SMIM36: variants seen among roughly 807,000 people sequenced by gnomAD.
The protein encoded by SMIM36 is small integral membrane protein 36.
At chr17:55,501,395 T>TATATATTATTATATAATAAAATATA (rs1909967166) in intron 1 of SMIM36, among the ~76,000 whole-genome samples, 1 of 21,794 alleles carries the variant, frequency 4.6e-5, no homozygotes, top group Non-Finnish European at 8.2e-5. Context: ...TATAATATAT[T>TATATATTATTATATAATAAAATATA]ATATATTATT....
chr17:55,528,357 A>T, the SMIM36 span, among the ~76,000 whole-genome samples: 1 of 151,820 alleles, frequency 6.6e-6, no homozygotes, highest in East Asian at 1.9e-4. Flanking sequence ...ATTTCATATA[A>T]TATATATTTT....
rs781717562 is a variant in SMIM36 at position 55,479,597 on chromosome 17, A to T, written c.*175-17T>A. The T allele has an allele frequency of 2.0e-5, 3 of 152,248 alleles. No homozygotes were observed. Among genetic ancestry groups the T allele is most frequent in the South Asian group, 2.1e-4 (1 of 4,834 alleles). 9.4% of individuals were successfully genotyped at this position (152,248 alleles called of 1,614,324 possible). A position where few individuals can be genotyped will look rare whatever the true frequency, so the allele number is the denominator to read the frequency against. The stretch of plus-strand genomic sequence containing the variant: ...AGACTCCATCTCAAAAAATAAAAAA[A>T]TAAAAAATAAACAAATAAATCTGGT... On this transcript the variant is annotated splice_polypyrimidine_tract_variant and intron_variant, in intron 1 of 4. Coordinates refer to ENST00000636752, the Ensembl canonical transcript of SMIM36.
chr17:55,470,519 TC>T (rs1236834873), intron 3 of SMIM36, among the ~76,000 whole-genome samples: 1 of 152,130 alleles, frequency 6.6e-6, no homozygotes, highest in African/African-American at 2.4e-5. Flanking sequence ...CTCTTAAAAC[TC>T]CCCAACTCTG....
chr17:55,507,604 G>C (rs1326777474), intron 1 of SMIM36, among the ~76,000 whole-genome samples: 9 of 133,032 alleles, frequency 6.8e-5, no homozygotes, highest in African/African-American at 2.6e-4. Context: ...GGGAGGGATA[G>C]CATTGGGAGA....
At chr17:55,468,089 T>G (rs987974575) in intron 3 of SMIM36, 5 of 152,336 alleles carry the variant, frequency 3.3e-5, no homozygotes, top group African/African-American at 1.2e-4. Context: ...CTTTGCTGAC[T>G]CCTTTTTTGG....
intron 3 of SMIM36, among the ~76,000 whole-genome samples, chr17:55,474,913 A>G (rs950914218): frequency 3.3e-5 from 5 of 152,210 alleles, no homozygotes; most frequent in African/African-American, 1.2e-4. Context: ...TAGACTGGCC[A>G]GCATTAGAGA....
intron 4 of SMIM36, chr17:55,453,944 A>G (rs1238625602): frequency 6.6e-6 from 1 of 152,160 alleles, no homozygotes; most frequent in Non-Finnish European, 1.5e-5. Flanking sequence ...CAGCATGGGA[A>G]TTTGCAGTCT....
At chr17:55,518,020 A>G in the SMIM36 span, among the ~76,000 whole-genome samples, 1 of 152,206 alleles carries the variant, frequency 6.6e-6, no homozygotes, top group African/African-American at 2.4e-5. Flanking sequence ...AGTGTCATGA[A>G]AATCCAGGGA....
intron 1 of SMIM36, among the ~76,000 whole-genome samples, chr17:55,498,301 T>C (rs927955484): frequency 6.6e-6 from 1 of 152,200 alleles, no homozygotes; most frequent in African/African-American, 2.4e-5. Flanking sequence ...CTTCAACATA[T>C]GAATTCTGGG....
intron 1 of SMIM36, among the ~76,000 whole-genome samples, chr17:55,502,949 C>T (rs879749392): frequency 4.7e-5 from 7 of 150,326 alleles, no homozygotes; most frequent in African/African-American, 7.4e-5. Flanking sequence ...GGAGCCGATG[C>T]GATCAACTGG....
intron 1 of SMIM36, among the ~76,000 whole-genome samples, chr17:55,480,195 T>C (rs1437965341): frequency 2.7e-5 from 4 of 145,710 alleles, no homozygotes; most frequent in African/African-American, 7.7e-5. Flanking sequence ...GAGAAGTACA[T>C]AGTGAGCTGG....
intron 1 of SMIM36, among the ~76,000 whole-genome samples, chr17:55,492,942 G>A (rs746785769): frequency 1.3e-5 from 2 of 152,206 alleles, no homozygotes; most frequent in East Asian, 1.9e-4. Context: ...CACGGTTTAC[G>A]TTCTTTCTAA....
intron 4 of SMIM36, among the ~76,000 whole-genome samples, chr17:55,462,773 G>A (rs942278030): frequency 3.3e-5 from 5 of 152,084 alleles, no homozygotes; most frequent in Admixed American, 2.6e-4. Flanking sequence ...TTTACTGTGG[G>A]TTAGAATGCA....
chr17:55,497,466 A>C (rs1909829816), intron 1 of SMIM36, among the ~76,000 whole-genome samples: 2 of 152,206 alleles, frequency 1.3e-5, no homozygotes, highest in South Asian at 4.1e-4. Context: ...GGGTTTCTCC[A>C]TGTTGGTCAG....
intron 1 of SMIM36, among the ~76,000 whole-genome samples, chr17:55,486,748 A>G (rs1447577641): frequency 6.6e-6 from 1 of 152,228 alleles, no homozygotes; most frequent in Non-Finnish European, 1.5e-5. Flanking sequence ...CTCCAAGTCA[A>G]ATTTCAATTC....
At chr17:55,527,582 C>A in the SMIM36 span, 2 of 152,154 alleles carry the variant, frequency 1.3e-5, no homozygotes, top group Non-Finnish European at 2.9e-5. Flanking sequence ...TATAGGTTTG[C>A]ATGAGGGTGA....
chr17:55,490,901 A>G (rs187834005), intron 1 of SMIM36, among the ~76,000 whole-genome samples: 1 of 150,716 alleles, frequency 6.6e-6, no homozygotes, highest in African/African-American at 2.4e-5. Flanking sequence ...TTTTTTCTCT[A>G]CACTTTGCTG....
At chr17:55,472,892 G>C (rs112952162) in intron 3 of SMIM36, among the ~76,000 whole-genome samples, 32,580 of 145,226 alleles carry the variant, frequency 0.22, 4,124 homozygotes, top group Non-Finnish European at 0.28. Context: ...GAAAAGAAAA[G>C]AAAAAAGAAA....
intron 3 of SMIM36, among the ~76,000 whole-genome samples, chr17:55,472,611 G>A (rs760757995): frequency 1.3e-5 from 2 of 152,152 alleles, no homozygotes; most frequent in African/African-American, 2.4e-5. Flanking sequence ...GGTGGCTCAC[G>A]CCTGTCATCC....
Sources: allele counts gnomAD v4.1 joint callset (sites outside exome capture counted in the v4.1 genomes callset), GRCh38; gene constraint gnomAD v4.1.1; transcripts MANE v1.5; gene names NCBI Gene and HGNC (gene_info 2026-07-23, HGNC 2026-07-21).